The following TMEM51 variants were observed in gnomAD, a reference collection of about 807,000 sequenced individuals.
TMEM51 encodes chromosome 1 open reading frame 72.
TMEM51 carries 8 observed loss-of-function variants against 13.6 expected under a neutral mutation model. The ratio of observed to expected loss-of-function variants is 0.59; its 90% CI spans 0.35 to 1.07. TMEM51 has a LOEUF of 1.07. Among genes scored for constraint, TMEM51 ranks in the 50% least tolerant of loss-of-function variants. The pLI is 0.02. For missense variants in TMEM51, 279 were observed against 330.7 expected (o/e 0.84, Z 1.21); for synonymous variants, 147 against 144.4 (o/e 1.02, Z -0.13).
At chr1:15,203,403 C>T (rs930923896) in intron 1 of TMEM51, among the ~76,000 whole-genome samples, 9 of 151,350 alleles carry the variant, frequency 5.9e-5, no homozygotes, top group South Asian at 2.1e-4. Context: ...TACAGGCGTG[C>T]GCCACCCCTC....
chr1:15,179,973 C>G (rs1055184808), intron 1 of TMEM51, among the ~76,000 whole-genome samples: 1 of 152,194 alleles, frequency 6.6e-6, no homozygotes, highest in Non-Finnish European at 1.5e-5. Flanking sequence ...TAAGTGTACA[C>G]TAAGATCTGT....
rs1157523615 is a variant in TMEM51, at chr1:15,161,797, C to T, written c.-267+7843C>T. 1.3e-5 allele frequency among the ~76,000 whole-genome samples: 2 copies of T among 151,738 alleles called. No homozygotes were observed. The highest frequency in any genetic ancestry group is 3.9e-4 in the East Asian group (2 of 5,118). On this transcript the variant is annotated intron_variant, in intron 1 of 3. Coordinates refer to ENST00000376008, the MANE Select transcript of TMEM51 (RefSeq NM_001136218.2). This position sits in a 1 kb window ranked among gnomAD's most constrained non-coding sequence, Gnocchi z 4.0. ...TACAAAAATTAGCCAGGCATGGTGGCGGGCACCTGTAGTCCCAGCTACTCA... is the reference window on the plus strand; with the variant it reads ...TACAAAAATTAGCCAGGCATGGTGGTGGGCACCTGTAGTCCCAGCTACTCA...
At chr1:15,157,885 C>T (rs1345329291) in intron 1 of TMEM51, among the ~76,000 whole-genome samples, 3 of 152,172 alleles carry the variant, frequency 2.0e-5, no homozygotes, top group Non-Finnish European at 2.9e-5. Flanking sequence ...TGAAGGCTGG[C>T]GACCACTGTT....
At chr1:15,199,689 G>A (rs935310083) in intron 1 of TMEM51, among the ~76,000 whole-genome samples, 2 of 152,152 alleles carry the variant, frequency 1.3e-5, no homozygotes, top group African/African-American at 2.4e-5. Flanking sequence ...GGGCCCTCCA[G>A]CTCTGAAATG....
intron 1 of TMEM51, among the ~76,000 whole-genome samples, chr1:15,162,381 TTGAACTCCTGGCCTCGAG>T (rs1273731164): frequency 1.3e-5 from 2 of 152,066 alleles, no homozygotes; most frequent in African/African-American, 4.8e-5. Flanking sequence ...CAAGCTGGTC[TTGAACTCCTGGCCTCGAG>T]TGATCCACAT....
At chr1:15,159,548 T>C (rs1261577315) in intron 1 of TMEM51, among the ~76,000 whole-genome samples, 1 of 152,202 alleles carries the variant, frequency 6.6e-6, no homozygotes, top group East Asian at 1.9e-4. Context: ...TGTTCTGGCA[T>C]TTCTTTTTTT....
At chr1:15,170,790 G>A (rs1362213517) in intron 1 of TMEM51, among the ~76,000 whole-genome samples, 1 of 151,202 alleles carries the variant, frequency 6.6e-6, no homozygotes, top group African/African-American at 2.4e-5. Context: ...GTGCAGTGTT[G>A]CGATCTCAGC....
chr1:15,205,442 A>C (rs1428527187), intron 1 of TMEM51, among the ~76,000 whole-genome samples: 1 of 152,082 alleles, frequency 6.6e-6, no homozygotes, highest in East Asian at 1.9e-4. Flanking sequence ...CTTACCCCCA[A>C]ATTCCACCCA....
chr1:15,171,118 T>TC, intron 1 of TMEM51: 2 of 547,034 alleles, frequency 3.7e-6, no homozygotes, highest in South Asian at 1.8e-5. Flanking sequence ...CCCCGCCACA[T>TC]CCCCCACCCC....
rs773818438 is a variant in TMEM51 at position 15,161,079 on chromosome 1, A to T, written c.-267+7125A>T. ...GCCAAAGGTCTTCCTGGTGGAGGCA[A>T]CTGCCTGTGCAAAGGCCTCAAGGTG... On this transcript the variant is annotated intron_variant, in intron 1 of 3. Transcript: ENST00000376008. This position sits in a 1 kb window ranked among gnomAD's most constrained non-coding sequence, Gnocchi z 4.0. Among the ~76,000 whole-genome samples the T allele has an allele frequency of 6.6e-6, 1 of 152,120 alleles. No homozygotes were observed. Among genetic ancestry groups the T allele is most frequent in the African/African-American group, 2.4e-5 (1 of 41,338 alleles).
In TMEM51 at chr1:15,186,002, T is replaced by G. The variant is rs556193148; in HGVS notation, c.-266-24488T>G. Among the ~76,000 whole-genome samples the G allele has an allele frequency of 7.2e-5, 11 of 152,240 alleles. No homozygotes were observed. In the South Asian group the frequency reaches 2.3e-3, roughly 32 times the overall value. ...AGAGAGGCTGACTCCATGGCAGCAA[T>G]GAGGGCTCCAACAGCTGGAATCCAG... On this transcript the variant is annotated intron_variant, in intron 1 of 3. Transcript: ENST00000376008.
chr1:15,201,783 C>T (rs1341742493), intron 1 of TMEM51, among the ~76,000 whole-genome samples: 3 of 152,090 alleles, frequency 2.0e-5, no homozygotes, highest in Non-Finnish European at 4.4e-5. Context: ...GACAGCATTG[C>T]GGTGGCTAAA....
At chr1:15,183,045 G>C (rs762094233) in intron 1 of TMEM51, among the ~76,000 whole-genome samples, 4 of 152,202 alleles carry the variant, frequency 2.6e-5, no homozygotes, top group Non-Finnish European at 5.9e-5. Context: ...TAACAGATGT[G>C]AGCCACCACG....
intron 1 of TMEM51, among the ~76,000 whole-genome samples, chr1:15,174,032 C>T (rs1216365096): frequency 6.6e-6 from 1 of 152,138 alleles, no homozygotes; most frequent in Non-Finnish European, 1.5e-5. Flanking sequence ...CTGTTATTTC[C>T]ACAGCAAGCG....
intron 1 of TMEM51, among the ~76,000 whole-genome samples, chr1:15,183,396 C>A (rs528721079): frequency 6.6e-6 from 1 of 152,306 alleles, no homozygotes; most frequent in African/African-American, 2.4e-5. Flanking sequence ...CACCTAGCCC[C>A]AGGTACCCCG....
In TMEM51 at chr1:15,190,557, GCCT is replaced by G. The variant is rs1573417061; in HGVS notation, c.-266-19932_-266-19930del. On this transcript the variant is annotated intron_variant, in intron 1 of 3. Transcript: ENST00000376008. ...TTCCCTTTAAATTATACAGGATTGTGCCTGTGGCCCTTGTGGTAGGCTAAATAA... is the reference window on the plus strand; with the variant it reads ...TTCCCTTTAAATTATACAGGATTGTGGTGGCCCTTGTGGTAGGCTAAATAA... Among the ~76,000 whole-genome samples, 3 of 152,218 alleles carry G rather than the reference GCCT, an allele frequency of 2.0e-5. No homozygotes were observed. In the East Asian group the frequency reaches 5.8e-4, roughly 29 times the overall value.
rs914968785 is a variant in TMEM51 at position 15,219,527 on chromosome 1, C to T, written c.546C>T (p.Ser182=). 3 of 1,614,084 alleles carry T rather than the reference C, an allele frequency of 1.9e-6. No individual in the cohort carries two copies. The highest frequency in any genetic ancestry group is 2.7e-5 in the African/African-American group (2 of 75,030). ...CCACCAGGGCTGACGTGGAGGCCAG[C>T]CCTGGGAACCCCCCTGACAGGCAGA... ...PTSTRADVEA[S]PGNPPDRQNS... Residue 182 remains serine (S), a synonymous_variant, in exon 4 of 4, where the codon AGC becomes AGT. Transcript: ENST00000376008.
chr1:15,215,123 T>C lies in TMEM51; in HGVS notation c.36T>C (p.Tyr12=), dbSNP rs766402573. ...AGTCCAAGGCCAATGGCTCGCACTA[T>C]GCGCTGACCGCCATCGGCCTGGGGA... ...MAQSKANGSH[Y]ALTAIGLGML... The change falls in exon 3 of 4, where the codon TAT becomes TAC. Residue 12 remains tyrosine (Y), a synonymous_variant. Coordinates refer to ENST00000376008, the MANE Select transcript of TMEM51 (RefSeq NM_001136218.2). 11 of 1,614,048 alleles carry C rather than the reference T, an allele frequency of 6.8e-6. No homozygotes were observed. The South Asian group carries it at 1.1e-4, about 16-fold the overall frequency.
rs1003983296 is a variant in TMEM51 at position 15,219,443 on chromosome 1, G to A, written c.462G>A (p.Leu154=). 31 of 1,613,976 alleles carry A rather than the reference G, an allele frequency of 1.9e-5. No homozygotes were observed. The highest frequency in any genetic ancestry group is 2.5e-5 in the Non-Finnish European group (30 of 1,179,994). Reference sequence around the variant, plus strand: ...GGGGAGAGGAGCAGAACCCGAGGTTGAGCATCTCTCTCCCGTCCTATGAGT... The same window carrying A: ...GGGGAGAGGAGCAGAACCCGAGGTTAAGCATCTCTCTCCCGTCCTATGAGT... ...EARGEEQNPR[L]SISLPSYESL... is the part of the protein sequence containing the mutation. Residue 154 remains leucine, a synonymous_variant, in exon 4 of 4, where the codon TTG becomes TTA. Coordinates refer to ENST00000376008, the MANE Select transcript of TMEM51 (RefSeq NM_001136218.2).
Sources: gnomAD v4.1 joint callset for allele counts (sites outside exome capture counted in the v4.1 genomes callset) on GRCh38, gnomAD v4.1.1 for gene constraint, Gnocchi (gnomAD v3.1) non-coding constraint, MANE v1.5 for transcripts, NCBI Gene and HGNC (gene_info 2026-07-23, HGNC 2026-07-21) for gene names.